SCAMP3: variants seen among roughly 807,000 people sequenced by gnomAD.
SCAMP3 encodes the protein secretory carrier membrane protein 3.
Under a neutral mutation model 44.1 loss-of-function variants are expected in SCAMP3, and 30 were observed. The ratio of observed to expected loss-of-function variants is 0.68; its 90% CI spans 0.51 to 0.92. SCAMP3 has a LOEUF of 0.92. SCAMP3 is among the 40% of genes least tolerant of loss of function. The probability of loss-of-function intolerance (pLI) is 0.00; values close to 1 mark genes in which losing one functional copy is unlikely to be tolerated. For synonymous variants in SCAMP3, 168 were observed against 171.1 expected (o/e 0.98, Z 0.14); for missense variants, 394 against 440.0 (o/e 0.90, Z 0.93).
In SCAMP3 at chr1:155,257,612, C is replaced by A. The variant is rs774158032; in HGVS notation, c.563G>T (p.Ser188Ile). 23 of 1,582,750 alleles carry A rather than the reference C, an allele frequency of 1.5e-5. No individual in the cohort carries two copies. The highest frequency in any genetic ancestry group is 1.9e-5 in the Non-Finnish European group (22 of 1,162,918). The change falls in exon 6 of 9, where the codon AGC becomes ATC. Residue 188 changes from serine to isoleucine, a missense_variant. Physicochemically the swap from Ser to Ile is moderately radical, Grantham distance 142. Transcript: ENST00000302631. The part of the protein sequence containing the change: ...LLLNFLACLA[S>I]FCVETNNGAG... ...GCCATTGTTGGTTTCCACACAGAAG[C>A]TGGCCAGGCAGGCGAGGAAGTTCAG... is the stretch of plus-strand genomic sequence containing the variant.
chr1:155,261,684 G>A lies in SCAMP3; in HGVS notation c.117C>T (p.Asp39=), dbSNP rs773304703. Residue 39 remains aspartate, a synonymous_variant, in exon 2 of 9, where the codon GAC becomes GAT. Coordinates refer to ENST00000302631, the MANE Select transcript of SCAMP3 (RefSeq NM_005698.4). ...HRPSRQYATL[D]VYNPFETREP... ...CCCGGGTCTCAAAAGGGTTGTAGAC[G>A]TCAAGCGTGGCATACTGCCGGCTGG... The A allele has an allele frequency of 3.1e-6, 5 of 1,614,076 alleles. No individual in the cohort carries two copies. Among genetic ancestry groups the A allele is most frequent in the South Asian group, 1.1e-5 (1 of 91,078 alleles).
At chr1:155,256,502 C>T (rs1672800603) in intron 8 of SCAMP3, 83 bp from the exon 9 acceptor site, 14 of 1,492,060 alleles carry the variant, frequency 9.4e-6, no homozygotes, top group Non-Finnish European at 1.3e-5. Context: ...TACCACTCAG[C>T]AGCCTGCTGC....
Position 155,261,730 on chromosome 1 carries a change from G to T in SCAMP3, c.71C>A (p.Pro24Gln). 1 of 1,613,840 alleles carries T rather than the reference G, an allele frequency of 6.2e-7. No homozygotes were observed. Residue 24 changes from proline (P) to glutamine (Q), a missense_variant, in exon 2 of 9, where the codon CCA becomes CAA. Physicochemically the swap from Pro to Gln is moderately conservative, Grantham distance 76. Transcript: ENST00000302631. ...PSELDNPFQD[P>Q]AVIQHRPSRQ... ...GCTGGGTCGGTGCTGGATCACAGCT[G>T]GGTCCTGAGGGCAGAGACCCGGGTC...
intron 2 of SCAMP3, chr1:155,261,306 G>A (rs1672955448): frequency 7.1e-6 from 2 of 283,616 alleles, no homozygotes; most frequent in Admixed American, 4.5e-5. Context: ...GGACAAACAG[G>A]TGTAGTCCTC....
At chr1:155,256,474 C>G in intron 8 of SCAMP3, 55 bp from the exon 9 acceptor site, 1 of 1,547,192 alleles carries the variant, frequency 6.5e-7, no homozygotes, top group Non-Finnish European at 8.8e-7. Flanking sequence ...GTTCCCCACC[C>G]CAGCCTAACA....
intron 7 of SCAMP3, 68 bp downstream of exon 7, chr1:155,257,214 ACTC>A (rs1672826203): frequency 5.0e-6 from 5 of 1,005,528 alleles, no homozygotes; most frequent in Non-Finnish European, 6.2e-6. Flanking sequence ...TTTCTGAACA[ACTC>A]CTATCCCAGC....
intron 1 of SCAMP3, 167 bp from the exon 2 acceptor site, chr1:155,261,901 G>T: frequency 3.8e-6 from 3 of 799,902 alleles, no homozygotes; most frequent in Non-Finnish European, 6.2e-6. Context: ...AACACTGCCA[G>T]CACCAGCCCA....
intron 7 of SCAMP3, 129 bp downstream of exon 7, chr1:155,257,156 G>A (rs1033517808): frequency 2.0e-5 from 13 of 662,706 alleles, no homozygotes; most frequent in Admixed American, 5.6e-5. Context: ...AGTATGTCTT[G>A]TATCTCATTA....
At position 155,257,666 on chromosome 1, in the gene SCAMP3, C is replaced by T; in HGVS notation, c.518-9G>A. ...AAGAGCCAGCGTGCTGCCTAAGGGG[C>T]AGAGGGACAGGATGAGGAGCCCTTC... On this transcript the variant is annotated splice_polypyrimidine_tract_variant and intron_variant, in intron 5 of 8. Transcript: ENST00000302631. 1 of 1,552,888 alleles carries T rather than the reference C, an allele frequency of 6.4e-7. No individual in the cohort carries two copies. Among genetic ancestry groups the T allele is most frequent in the Non-Finnish European group, 8.7e-7 (1 of 1,148,132 alleles).
At chr1:155,260,268 C>T (rs1482055869) in intron 4 of SCAMP3, 62 bp downstream of exon 4, 1 of 1,595,344 alleles carries the variant, frequency 6.3e-7, no homozygotes, top group South Asian at 1.1e-5. Context: ...GAGCCCAGGC[C>T]CTTAAGACCT....
rs1271908829 is a variant in SCAMP3 at position 155,259,054 on chromosome 1, T to C, written c.389-100A>G. On this transcript the variant is annotated intron_variant, in intron 4 of 8. Transcript: ENST00000302631. Reference sequence around the variant, plus strand: ...CCATCCCTGGATCCTCTCTTTTTTTTTTTTTTTTTTTTTTGAGATAGGGTC... The same window carrying C: ...CCATCCCTGGATCCTCTCTTTTTTTCTTTTTTTTTTTTTTGAGATAGGGTC... The C allele has an allele frequency of 7.9e-5, 90 of 1,135,562 alleles. No individual in the cohort carries two copies. The African/African-American group carries it at 1.4e-3, about 18-fold the overall frequency. 70.3% of individuals were successfully genotyped at this position (1,135,562 alleles called of 1,614,324 possible). A position where few individuals can be genotyped will look rare whatever the true frequency, so the allele number is the denominator to read the frequency against.
At position 155,260,343 on chromosome 1, in the gene SCAMP3, C is replaced by A; in HGVS notation, c.375G>T (p.Leu125=). The A allele has an allele frequency of 6.2e-7, 1 of 1,612,398 alleles. No individual in the cohort carries two copies. Among genetic ancestry groups the A allele is most frequent in the Non-Finnish European group, 8.5e-7 (1 of 1,180,018 alleles). The stretch of plus-strand genomic sequence containing the variant: ...TCTATTACTTACTAGCTGTGCCCCC[C>A]AGGGCAGCATGCTGCAGCTCTCGCT... ...RRERELQHAA[L]GGTATRQNNW... The change falls in exon 4 of 9, where the codon CTG becomes CTT. Residue 125 remains leucine, a synonymous_variant. Coordinates refer to ENST00000302631, the MANE Select transcript of SCAMP3 (RefSeq NM_005698.4).
chr1:155,260,683 A>G, intron 2 of SCAMP3, 24 bp from the exon 3 acceptor site: 7 of 1,587,754 alleles, frequency 4.4e-6, no homozygotes, highest in Non-Finnish European at 6.0e-6. Context: ...GACCTTAGTG[A>G]TCATCTAGTC....
rs1672821771 is a variant in SCAMP3 at position 155,257,103 on chromosome 1, C to CA, written c.779+181dup. 2.0e-5 allele frequency among the ~76,000 whole-genome samples: 3 copies of CA among 152,340 alleles called. No individual in the cohort carries two copies. In the South Asian group the frequency reaches 6.2e-4, roughly 32 times the overall value. ...TGGCCAAATGCAGCATTCTTCCCTT[C>CA]AATCTATATGTGTCAAGAGTGCTGT... is the stretch of plus-strand genomic sequence containing the variant. On this transcript the variant is annotated intron_variant, in intron 7 of 8. Transcript: ENST00000302631.
At chr1:155,258,437 A>C (rs532111555) in intron 5 of SCAMP3, among the ~76,000 whole-genome samples, 1 of 144,592 alleles carries the variant, frequency 6.9e-6, no homozygotes, top group East Asian at 2.1e-4. Context: ...CCCGGGTTCA[A>C]GTGATTCTCC....
At position 155,257,586 on chromosome 1, in the gene SCAMP3, C is replaced by A; in HGVS notation, c.589G>T (p.Ala197Ser). The A allele has an allele frequency of 1.3e-6, 2 of 1,597,474 alleles. No individual in the cohort carries two copies. Among genetic ancestry groups the A allele is most frequent in the Non-Finnish European group, 1.7e-6 (2 of 1,170,816 alleles). Residue 197 changes from alanine to serine, a missense_variant, in exon 6 of 9, where the codon GCA becomes TCA. Transcript: ENST00000302631. ...ASFCVETNNG[A>S]GFGLSILWVL... ...CAGAGGATAGAAAGCCCAAAGCCTGCGCCATTGTTGGTTTCCACACAGAAG... is the reference window on the plus strand; with the variant it reads ...CAGAGGATAGAAAGCCCAAAGCCTGAGCCATTGTTGGTTTCCACACAGAAG...
In SCAMP3 at chr1:155,256,442, T is replaced by C. The variant is rs115599747; in HGVS notation, c.898-23A>G. On this transcript the variant is annotated intron_variant, in intron 8 of 8. Transcript: ENST00000302631. ...GATCTGCAAGTAGAGGACAAAGACATTACCGCCCATTCCAGCCACTGGTTC... is the reference window on the plus strand; with the variant it reads ...GATCTGCAAGTAGAGGACAAAGACACTACCGCCCATTCCAGCCACTGGTTC... 1,572 of 1,558,286 alleles carry C rather than the reference T, an allele frequency of 1.0e-3. 20 individuals are homozygous for C. The African/African-American group carries it at 0.02, about 20-fold the overall frequency.
chr1:155,258,263 C>T (rs1212805043), intron 5 of SCAMP3, among the ~76,000 whole-genome samples: 1 of 151,062 alleles, frequency 6.6e-6, no homozygotes, highest in South Asian at 2.1e-4. Flanking sequence ...TCATGTTCTG[C>T]CCACCTGGGC....
chr1:155,257,727 A>C, intron 5 of SCAMP3, 70 bp from the exon 6 acceptor site: 143 of 1,390,014 alleles, frequency 1.0e-4, no homozygotes, highest in Non-Finnish European at 1.3e-4. Flanking sequence ...ATCTATGCTC[A>C]TCCTATAATA....
Sources: gnomAD v4.1 joint callset for allele counts (sites outside exome capture counted in the v4.1 genomes callset) on GRCh38, gnomAD v4.1.1 for gene constraint, MANE v1.5 for transcripts, NCBI Gene and HGNC (gene_info 2026-07-23, HGNC 2026-07-21) for gene names.